The following VEPH1 variants were observed in gnomAD, a reference collection of about 807,000 sequenced individuals.
VEPH1 encodes ventricular zone expressed PH domain containing 1, also known as ventricular zone-expressed PH domain-containing protein homolog 1.
VEPH1 carries 80 observed loss-of-function variants against 85.2 expected under a neutral mutation model. That is an observed-to-expected ratio of 0.94 (90% confidence interval 0.78 to 1.13). The LOEUF is 1.13. Ranked by LOEUF, VEPH1 falls within the 50% of genes most tolerant of loss-of-function variation. The pLI, the probability that VEPH1 is intolerant of heterozygous loss-of-function variation, is 0.00. For synonymous variants in VEPH1, 297 were observed against 348.0 expected (o/e 0.85, Z 1.63); for missense variants, 955 against 980.5 (o/e 0.97, Z 0.35).
chr3:157,357,970 C>A (rs1325014775), intron 9 of VEPH1, among the ~76,000 whole-genome samples: 1 of 152,110 alleles, frequency 6.6e-6, no homozygotes, highest in Non-Finnish European at 1.5e-5. Context: ...ACATCCTTCC[C>A]AGTGATTTGT....
chr3:157,479,757 G>A (rs1737843903), intron 2 of VEPH1, among the ~76,000 whole-genome samples: 1 of 152,148 alleles, frequency 6.6e-6, no homozygotes, highest in Non-Finnish European at 1.5e-5. Flanking sequence ...CTAAGCCTCT[G>A]TTTCCTAATT....
chr3:157,363,382 C>T lies in VEPH1; in HGVS notation c.1717G>A (p.Asp573Asn), dbSNP rs760403450. The T allele has an allele frequency of 1.2e-6, 2 of 1,608,022 alleles. No individual in the cohort carries two copies. Among genetic ancestry groups the T allele is most frequent in the East Asian group, 4.5e-5 (2 of 44,850 alleles). Residue 573 changes from aspartate (D) to asparagine (N), a missense_variant, in exon 9 of 14, where the codon GAT becomes AAT. Physicochemically the swap from Asp to Asn is conservative, Grantham distance 23 (BLOSUM62 1). Coordinates refer to ENST00000362010, the MANE Select transcript of VEPH1 (RefSeq NM_001167912.2). ...CACTTACCTTCAATGGTACACTGATCAGGGACTGGAATCTTCTTTCCAATT... is the reference window on the plus strand; with the variant it reads ...CACTTACCTTCAATGGTACACTGATTAGGGACTGGAATCTTCTTTCCAATT... ...MEIGKKIPVP[D>N]QCTIEDTVRS...
intron 12 of VEPH1, among the ~76,000 whole-genome samples, chr3:157,275,468 C>T (rs765184094): frequency 5.3e-5 from 8 of 151,736 alleles, no homozygotes; most frequent in Non-Finnish European, 7.4e-5. Flanking sequence ...CCCAGCTACT[C>T]GGGAGACTGA....
At chr3:157,487,476 A>G (rs533629566) in intron 2 of VEPH1, among the ~76,000 whole-genome samples, 1 of 152,280 alleles carries the variant, frequency 6.6e-6, no homozygotes, top group African/African-American at 2.4e-5. Context: ...AGAGAGTTTT[A>G]TACTGTTCTA....
chr3:157,383,926 A>G (rs1396571470), intron 6 of VEPH1, among the ~76,000 whole-genome samples: 1 of 152,190 alleles, frequency 6.6e-6, no homozygotes, highest in Non-Finnish European at 1.5e-5. Flanking sequence ...TATTAATTCA[A>G]AGTCTCCATG....
intron 6 of VEPH1, among the ~76,000 whole-genome samples, chr3:157,407,390 G>T (rs746701497): frequency 3.9e-5 from 6 of 151,972 alleles, no homozygotes; most frequent in Non-Finnish European, 7.4e-5. Context: ...AATTATGAAG[G>T]TTTACAAAAT....
At chr3:157,374,329 G>A (rs961878175) in intron 7 of VEPH1, among the ~76,000 whole-genome samples, 2 of 152,128 alleles carry the variant, frequency 1.3e-5, no homozygotes, top group Admixed American at 6.5e-5. Context: ...ATTTACCTTG[G>A]TGGGGCAAAA....
At chr3:157,373,917 C>T (rs1325350292) in intron 7 of VEPH1, among the ~76,000 whole-genome samples, 1 of 152,186 alleles carries the variant, frequency 6.6e-6, no homozygotes. Flanking sequence ...GCAGAGCCAG[C>T]CTGTCTGAGG....
Position 157,265,605 on chromosome 3 carries a change from C to T in VEPH1, c.2186G>A (p.Arg729Lys), listed in dbSNP as rs1446526435. ...TTTCCACCTTTTGATGAACTTCCATCTGACTTGCTTCTCTTTAAGTTTTCC... is the reference window on the plus strand; with the variant it reads ...TTTCCACCTTTTGATGAACTTCCATTTGACTTGCTTCTCTTTAAGTTTTCC... ...IEGKLKEKQV[R>K]WKFIKRWKTR... The change falls in exon 13 of 14, where the codon AGA (arginine) becomes AAA (lysine). Residue 729 changes from arginine to lysine, a missense_variant. Coordinates refer to ENST00000362010, the MANE Select transcript of VEPH1 (RefSeq NM_001167912.2). The T allele has an allele frequency of 1.1e-5, 18 of 1,613,668 alleles. No individual in the cohort carries two copies. Among genetic ancestry groups the T allele is most frequent in the Non-Finnish European group, 1.4e-5 (17 of 1,179,806 alleles).
At chr3:157,367,394 C>A (rs543648878) in intron 7 of VEPH1, among the ~76,000 whole-genome samples, 2 of 152,210 alleles carry the variant, frequency 1.3e-5, no homozygotes, top group South Asian at 2.1e-4. Flanking sequence ...ATTTTACAAA[C>A]CATGATGATT....
intron 12 of VEPH1, among the ~76,000 whole-genome samples, chr3:157,269,217 C>A (rs1036413324): frequency 6.6e-6 from 1 of 152,088 alleles, no homozygotes; most frequent in Non-Finnish European, 1.5e-5. Context: ...TAATGTGTGA[C>A]AAAAGTTTAC....
At chr3:157,286,310 G>A in intron 12 of VEPH1, 1 of 450,538 alleles carries the variant, frequency 2.2e-6, no homozygotes, top group Non-Finnish European at 4.1e-6. Context: ...GGGCAAAATG[G>A]CTGATACTGC....
intron 6 of VEPH1, among the ~76,000 whole-genome samples, chr3:157,390,733 A>C (rs1378168599): frequency 6.6e-6 from 1 of 152,174 alleles, no homozygotes; most frequent in Non-Finnish European, 1.5e-5. Flanking sequence ...TGGCTGATAA[A>C]AGCTGAAACA....
chr3:157,267,936 T>C (rs1466403399), intron 12 of VEPH1, among the ~76,000 whole-genome samples: 2 of 152,186 alleles, frequency 1.3e-5, no homozygotes, highest in Non-Finnish European at 2.9e-5. Context: ...GTGATGACAT[T>C]TGATCTGACA....
At position 157,473,247 on chromosome 3, in the gene VEPH1, G is replaced by T. The variant is rs190569355; in HGVS notation, c.139-2718C>A. On this transcript the variant is annotated intron_variant, in intron 2 of 13. Coordinates refer to ENST00000362010, the MANE Select transcript of VEPH1 (RefSeq NM_001167912.2). Reference sequence around the variant, plus strand: ...GCCACCACGCCCGGCTAATTTTTTGGATTTTTAGTAGAGACAGGGTTTCAC... The same window carrying T: ...GCCACCACGCCCGGCTAATTTTTTGTATTTTTAGTAGAGACAGGGTTTCAC... Among the ~76,000 whole-genome samples the T allele has an allele frequency of 2.6e-3, 392 of 151,036 alleles. 2 individuals are homozygous for T. Among genetic ancestry groups the T allele is most frequent in the African/African-American group, 9.0e-3 (371 of 41,258 alleles).
intron 6 of VEPH1, among the ~76,000 whole-genome samples, chr3:157,402,980 C>A (rs1560035101): frequency 6.6e-6 from 1 of 152,080 alleles, no homozygotes; most frequent in Non-Finnish European, 1.5e-5. Context: ...AAACCAGTAC[C>A]AAGTTCCTAA....
At chr3:157,326,734 C>T (rs987836750) in intron 9 of VEPH1, among the ~76,000 whole-genome samples, 1 of 152,170 alleles carries the variant, frequency 6.6e-6, no homozygotes, top group Non-Finnish European at 1.5e-5. Flanking sequence ...CACATTTGGG[C>T]TTTGGCCTGG....
intron 4 of VEPH1, among the ~76,000 whole-genome samples, chr3:157,429,369 T>G (rs1732975975): frequency 6.6e-6 from 1 of 152,194 alleles, no homozygotes; most frequent in South Asian, 2.1e-4. Flanking sequence ...ATTACACATA[T>G]ATGGACCTTC....
At chr3:157,307,198 C>CTATA (rs146868206) in intron 11 of VEPH1, among the ~76,000 whole-genome samples, 1 of 150,056 alleles carries the variant, frequency 6.7e-6, no homozygotes, top group African/African-American at 2.4e-5. Context: ...TAATTAATGA[C>CTATA]TATATATATA....
Sources: gnomAD v4.1 joint callset for allele counts (sites outside exome capture counted in the v4.1 genomes callset) on GRCh38, gnomAD v4.1.1 for gene constraint, MANE v1.5 for transcripts, NCBI Gene and HGNC (gene_info 2026-07-23, HGNC 2026-07-21) for gene names.